LIPC: variants seen among roughly 807,000 people sequenced by gnomAD.
LIPC encodes lipase C, hepatic type.
LIPC carries 44 observed loss-of-function variants against 50.7 expected under a neutral mutation model. The observed-to-expected ratio is 0.87, with a 90% CI of 0.68 to 1.11. The LOEUF is 1.11. LIPC is among the 50% of genes most tolerant of loss of function. The pLI, the probability that LIPC is intolerant of heterozygous loss-of-function variation, is 0.00. For synonymous variants in LIPC, 271 were observed against 256.4 expected, an observed-to-expected ratio of 1.06 and a Z score of -0.54; for missense variants, 697 against 648.2, an observed-to-expected ratio of 1.08 and a Z score of -0.82.
intron 6 of LIPC, among the ~76,000 whole-genome samples, chr15:58,548,788 C>T (rs1448739105): frequency 6.6e-6 from 1 of 152,178 alleles, no homozygotes; most frequent in African/African-American, 2.4e-5. Context: ...GGAGAAACCT[C>T]GACCATTTCT....
chr15:58,556,870 T>C (rs529632199), intron 6 of LIPC, among the ~76,000 whole-genome samples: 1 of 152,332 alleles, frequency 6.6e-6, no homozygotes, highest in African/African-American at 2.4e-5. Context: ...GAAGATAAAG[T>C]AGGCATCTTA....
At chr15:58,567,214 A>AAAATAT in intron 8 of LIPC, among the ~76,000 whole-genome samples, 1 of 136,740 alleles carries the variant, frequency 7.3e-6, no homozygotes, top group East Asian at 2.1e-4. Flanking sequence ...AAAAATAAAA[A>AAAATAT]ATATATATAT....
At chr15:58,498,905 G>A (rs935021661) in intron 1 of LIPC, among the ~76,000 whole-genome samples, 1 of 152,234 alleles carries the variant, frequency 6.6e-6, no homozygotes, top group Non-Finnish European at 1.5e-5. Context: ...ACATGAGGGG[G>A]TTGTTTATAC....
At chr15:58,528,618 C>T (rs1299192589) in intron 1 of LIPC, among the ~76,000 whole-genome samples, 1 of 152,160 alleles carries the variant, frequency 6.6e-6, no homozygotes. Context: ...GATCCTCCCA[C>T]CTCAACCTCC....
chr15:58,568,688 CTG>C lies in LIPC; in HGVS notation c.1389-24_1389-23del, dbSNP rs763988442. On this transcript the variant is annotated intron_variant, in intron 8 of 8. Transcript: ENST00000299022. ...AATAAGCTCCACCTAAAACTTAATG[CTG>C]TGTTTGCTTCCTGTTTTCTATTCAG... 11 of 1,281,910 alleles carry C rather than the reference CTG, an allele frequency of 8.6e-6. No homozygotes were observed. The African/African-American group carries it at 1.6e-4, about 19-fold the overall frequency. 79.4% of individuals were successfully genotyped at this position (1,281,910 alleles called of 1,614,324 possible). A position where few individuals can be genotyped will look rare whatever the true frequency, so the allele number is the denominator to read the frequency against.
intron 1 of LIPC, among the ~76,000 whole-genome samples, chr15:58,535,121 C>T (rs1335980970): frequency 6.6e-6 from 1 of 152,190 alleles, no homozygotes; most frequent in African/African-American, 2.4e-5. Context: ...TTGACTGATG[C>T]TTTATCTTCT....
chr15:58,539,529 C>T (rs1893252407), intron 2 of LIPC, among the ~76,000 whole-genome samples: 2 of 152,074 alleles, frequency 1.3e-5, no homozygotes, highest in South Asian at 2.1e-4. Context: ...GTGTCTAGCC[C>T]ACCCATGATT....
intron 1 of LIPC, among the ~76,000 whole-genome samples, chr15:58,535,755 T>C (rs575703661): frequency 6.6e-6 from 1 of 152,360 alleles, no homozygotes; most frequent in Non-Finnish European, 1.5e-5. Flanking sequence ...AAATATCTTA[T>C]TTAATCCTCC....
At chr15:58,553,097 A>G (rs1476270849) in intron 6 of LIPC, among the ~76,000 whole-genome samples, 2 of 152,202 alleles carry the variant, frequency 1.3e-5, no homozygotes, top group African/African-American at 2.4e-5. Flanking sequence ...ATCGAGCCCC[A>G]GAAAGGCTAT....
At chr15:58,529,941 G>A (rs750053391) in intron 1 of LIPC, among the ~76,000 whole-genome samples, 3 of 152,354 alleles carry the variant, frequency 2.0e-5, no homozygotes, top group East Asian at 3.9e-4. Context: ...CCAACACATC[G>A]TAAAAGATAT....
At chr15:58,556,346 T>G (rs192962252) in intron 6 of LIPC, among the ~76,000 whole-genome samples, 1 of 152,342 alleles carries the variant, frequency 6.6e-6, no homozygotes, top group East Asian at 1.9e-4. Context: ...TGGACACAGA[T>G]GCCCGTGAGA....
chr15:58,507,570 TG>T (rs1341520471), intron 1 of LIPC, among the ~76,000 whole-genome samples: 5 of 152,206 alleles, frequency 3.3e-5, no homozygotes, highest in African/African-American at 1.2e-4. Flanking sequence ...CTCACTAAAG[TG>T]GTCCCTCTTA....
chr15:58,457,817 G>T (rs111744413), intron 1 of LIPC, among the ~76,000 whole-genome samples: 7 of 152,120 alleles, frequency 4.6e-5, no homozygotes, highest in East Asian at 1.9e-4. Flanking sequence ...ATAAACACTT[G>T]TCCACCTCCG....
At chr15:58,452,676 T>C in intron 1 of LIPC, among the ~76,000 whole-genome samples, 1 of 151,198 alleles carries the variant, frequency 6.6e-6, no homozygotes, top group East Asian at 1.9e-4. Flanking sequence ...GGGGATAGGA[T>C]AGTTCTGCTC....
At chr15:58,492,889 C>A (rs966440163) in intron 1 of LIPC, among the ~76,000 whole-genome samples, 5 of 152,118 alleles carry the variant, frequency 3.3e-5, no homozygotes, top group African/African-American at 1.2e-4. Flanking sequence ...GGAGAGGGGG[C>A]CCTGGGCAAA....
At chr15:58,499,694 C>T (rs571625943) in intron 1 of LIPC, among the ~76,000 whole-genome samples, 1 of 152,158 alleles carries the variant, frequency 6.6e-6, no homozygotes, top group Non-Finnish European at 1.5e-5. Flanking sequence ...TATCCAGGCC[C>T]CAGCTCTGCC....
chr15:58,538,695 C>T (rs1893225011), intron 2 of LIPC, among the ~76,000 whole-genome samples, 178 bp downstream of exon 2: 2 of 152,176 alleles, frequency 1.3e-5, no homozygotes, highest in African/African-American at 4.8e-5. Context: ...TTGATTATCT[C>T]GATTCCATGA....
intron 1 of LIPC, among the ~76,000 whole-genome samples, chr15:58,512,246 G>A (rs1039589305): frequency 6.6e-6 from 1 of 151,990 alleles, no homozygotes; most frequent in African/African-American, 2.4e-5. Context: ...CTACAGGCAT[G>A]AGCCACCAAG....
chr15:58,456,092 TG>T (rs1894103421), intron 1 of LIPC: 1 of 151,154 alleles, frequency 6.6e-6, no homozygotes, highest in Non-Finnish European at 1.5e-5. Context: ...CAATGACAAA[TG>T]AAGAATGGCT....
Sources: allele counts gnomAD v4.1 joint callset (sites outside exome capture counted in the v4.1 genomes callset), GRCh38; gene constraint gnomAD v4.1.1; transcripts MANE v1.5; gene names NCBI Gene and HGNC (gene_info 2026-07-23, HGNC 2026-07-21).